HEMK2: variants seen among roughly 807,000 people sequenced by gnomAD.
HEMK2 encodes HemK methyltransferase 2, ETF1 glutamine and histone H4 lysine, also known as methyltransferase HEMK2.
chr21:28,653,434 C>G, the HEMK2 span, among the ~76,000 whole-genome samples: 2 of 152,098 alleles, frequency 1.3e-5, no homozygotes, highest in Non-Finnish European at 2.9e-5. Context: ...GCTCCTTGTT[C>G]CCAATTTAAG....
At chr21:28,842,784 T>C in the HEMK2 span, among the ~76,000 whole-genome samples, 1 of 152,162 alleles carries the variant, frequency 6.6e-6, no homozygotes, top group Non-Finnish European at 1.5e-5. Context: ...AAAGGTAGAA[T>C]ATCCCAGTAA....
At chr21:28,614,318 A>G in the HEMK2 span, among the ~76,000 whole-genome samples, 3,535 of 152,102 alleles carry the variant, frequency 0.023, 153 homozygotes, top group African/African-American at 0.081. Context: ...TTAAGTTTCT[A>G]TGGTACGGCT....
At chr21:28,713,870 T>C in the HEMK2 span, among the ~76,000 whole-genome samples, 28 of 152,368 alleles carry the variant, frequency 1.8e-4, no homozygotes, top group Admixed American at 7.8e-4. Context: ...TGGTTCATCA[T>C]TTTATATGGC....
the HEMK2 span, among the ~76,000 whole-genome samples, chr21:28,749,752 T>C: frequency 6.6e-6 from 1 of 152,212 alleles, no homozygotes; most frequent in South Asian, 2.1e-4. Context: ...TAAGAGGACA[T>C]GGCTCTCGGC....
chr21:28,578,341 A>G, the HEMK2 span, among the ~76,000 whole-genome samples: 2 of 152,318 alleles, frequency 1.3e-5, no homozygotes, highest in South Asian at 4.1e-4. Context: ...GCTCTCCATA[A>G]CAAGGTTGTA....
the HEMK2 span, among the ~76,000 whole-genome samples, chr21:28,826,229 T>C: frequency 6.6e-6 from 1 of 152,198 alleles, no homozygotes; most frequent in Admixed American, 6.5e-5. Flanking sequence ...TAAGATCTCA[T>C]TGTAAGTATA....
chr21:28,577,854 G>A, the HEMK2 span, among the ~76,000 whole-genome samples: 1 of 152,226 alleles, frequency 6.6e-6, no homozygotes. Context: ...ACCCAAGTCA[G>A]TCCATTTATT....
chr21:28,830,346 T>G, the HEMK2 span, among the ~76,000 whole-genome samples: 1 of 152,210 alleles, frequency 6.6e-6, no homozygotes, highest in African/African-American at 2.4e-5. Flanking sequence ...TGTGTGGCAC[T>G]TCCCCCCCTT....
chr21:28,589,863 C>A, the HEMK2 span, among the ~76,000 whole-genome samples: 1 of 152,154 alleles, frequency 6.6e-6, no homozygotes. Flanking sequence ...AAATTTCACA[C>A]CTGACCTCAT....
chr21:28,793,750 G>T, the HEMK2 span, among the ~76,000 whole-genome samples: 1 of 152,056 alleles, frequency 6.6e-6, no homozygotes, highest in East Asian at 1.9e-4. Flanking sequence ...TATCCAGGTG[G>T]GCCCTAAATC....
At chr21:28,856,020 G>A in the HEMK2 span, among the ~76,000 whole-genome samples, 12 of 152,146 alleles carry the variant, frequency 7.9e-5, no homozygotes, top group Non-Finnish European at 4.4e-5. Context: ...TAAATACATT[G>A]CAGATATTAT....
At chr21:28,792,760 C>T in the HEMK2 span, among the ~76,000 whole-genome samples, 1 of 152,298 alleles carries the variant, frequency 6.6e-6, no homozygotes, top group Admixed American at 6.5e-5. Flanking sequence ...TGCGTCTTCT[C>T]TTCCTCATTA....
chr21:28,644,960 G>T, the HEMK2 span, among the ~76,000 whole-genome samples: 1 of 152,134 alleles, frequency 6.6e-6, no homozygotes, highest in Non-Finnish European at 1.5e-5. Context: ...CCACAGATTC[G>T]AAGGTTTTTT....
the HEMK2 span, among the ~76,000 whole-genome samples, chr21:28,811,296 AGGGAAG>A: frequency 8.8e-6 from 1 of 113,026 alleles, no homozygotes; most frequent in African/African-American, 5.2e-5. Flanking sequence ...AAAAGAAGAA[AGGGAAG>A]GGAAGGGGAG....
the HEMK2 span, among the ~76,000 whole-genome samples, chr21:28,831,649 A>AGG: frequency 1.3e-4 from 4 of 30,958 alleles, no homozygotes; most frequent in African/African-American, 5.6e-4. Flanking sequence ...GAAAGAAAGA[A>AGG]AGAAAGAAAG....
the HEMK2 span, among the ~76,000 whole-genome samples, chr21:28,822,674 G>A: frequency 6.6e-6 from 1 of 152,000 alleles, no homozygotes; most frequent in Non-Finnish European, 1.5e-5. Flanking sequence ...ACTCCAGCTG[G>A]AGCCATTCCT....
chr21:28,825,865 G>A, the HEMK2 span, among the ~76,000 whole-genome samples: 3 of 152,176 alleles, frequency 2.0e-5, no homozygotes, highest in East Asian at 5.8e-4. Flanking sequence ...CCCTAATTGT[G>A]CTCTTAGAAG....
At chr21:28,622,266 T>C in the HEMK2 span, among the ~76,000 whole-genome samples, 2 of 152,120 alleles carry the variant, frequency 1.3e-5, no homozygotes, top group African/African-American at 4.8e-5. Context: ...GGAATACAAC[T>C]TACAACAGAT....
At chr21:28,754,656 G>C in the HEMK2 span, among the ~76,000 whole-genome samples, 2 of 152,020 alleles carry the variant, frequency 1.3e-5, no homozygotes, top group African/African-American at 4.8e-5. Context: ...TATCTCAACA[G>C]AATTTTTTTT....
Sources: allele counts gnomAD v4.1 joint callset (sites outside exome capture counted in the v4.1 genomes callset), GRCh38; gene constraint gnomAD v4.1.1; transcripts MANE v1.5; gene names NCBI Gene and HGNC (gene_info 2026-07-23, HGNC 2026-07-21).